Variants in GRIK2 observed in about 807,000 individuals in gnomAD.
The protein encoded by GRIK2 is glutamate receptor ionotropic, kainate 2.
A neutral mutation model predicts 100.3 loss-of-function variants in GRIK2; 32 were observed. That is an observed-to-expected ratio of 0.32 (90% CI 0.24 to 0.43). GRIK2 has a LOEUF of 0.43. GRIK2 is among the 20% of genes least tolerant of loss of function. The pLI is 1.00. For synonymous variants in GRIK2, 417 were observed against 389.4 expected (o/e 1.07, Z -0.83); for missense variants, 843 against 1,114.9 (o/e 0.76, Z 3.47).
chr6:101,741,940 T>A (rs1776053917), intron 7 of GRIK2, among the ~76,000 whole-genome samples: 1 of 152,168 alleles, frequency 6.6e-6, no homozygotes, highest in African/African-American at 2.4e-5. Flanking sequence ...GTGTCCAAAG[T>A]TAACAGCTAA....
intron 9 of GRIK2, 24 bp from the exon 10 acceptor site, chr6:101,818,346 C>A (rs773023664): frequency 3.0e-6 from 4 of 1,326,570 alleles, no homozygotes; most frequent in Non-Finnish European, 4.3e-6. Flanking sequence ...GGACAATTTA[C>A]AAAGTACATA....
chr6:101,773,052 A>G (rs1304956727), intron 7 of GRIK2, among the ~76,000 whole-genome samples: 2 of 152,196 alleles, frequency 1.3e-5, no homozygotes, highest in Non-Finnish European at 2.9e-5. Context: ...CACAATGAGA[A>G]AGTGTATGTT....
At chr6:101,848,424 G>GA (rs1006387181) in intron 10 of GRIK2, among the ~76,000 whole-genome samples, 6 of 151,926 alleles carry the variant, frequency 3.9e-5, no homozygotes, top group Non-Finnish European at 7.4e-5. Flanking sequence ...GTCTTTAAAG[G>GA]AAAAAATTTG....
intron 2 of GRIK2, among the ~76,000 whole-genome samples, chr6:101,463,887 T>C (rs1390224088): frequency 1.3e-5 from 2 of 152,150 alleles, no homozygotes; most frequent in African/African-American, 4.8e-5. Context: ...GTGTCAACTT[T>C]ATTGGATTAA....
At chr6:101,932,903 T>C (rs1180768877) in intron 14 of GRIK2, among the ~76,000 whole-genome samples, 1 of 151,916 alleles carries the variant, frequency 6.6e-6, no homozygotes, top group Admixed American at 6.6e-5. Context: ...CAGACTCAGT[T>C]CCTTCTACAC....
At chr6:101,547,062 A>C (rs894654587) in intron 2 of GRIK2, among the ~76,000 whole-genome samples, 1 of 150,320 alleles carries the variant, frequency 6.7e-6, no homozygotes. Context: ...CGATCTCTTG[A>C]CCTCGTGATC....
intron 9 of GRIK2, among the ~76,000 whole-genome samples, chr6:101,811,307 C>G (rs558382671): frequency 1.6e-4 from 24 of 152,140 alleles, no homozygotes; most frequent in African/African-American, 5.5e-4. Context: ...CTGACACATT[C>G]TCCTGACATT....
intron 14 of GRIK2, among the ~76,000 whole-genome samples, chr6:101,980,501 T>G (rs1793649520): frequency 6.6e-6 from 1 of 151,958 alleles, no homozygotes; most frequent in African/African-American, 2.4e-5. Context: ...TTACAACCTT[T>G]GCTCTTATCT....
chr6:101,928,192 C>T (rs1364892325), intron 13 of GRIK2: 1 of 544,652 alleles, frequency 1.8e-6, no homozygotes, highest in Non-Finnish European at 3.3e-6. Flanking sequence ...GAACATGAGT[C>T]TCCTGTCACT....
At chr6:101,763,691 G>A (rs1777869734) in intron 7 of GRIK2, among the ~76,000 whole-genome samples, 1 of 152,054 alleles carries the variant, frequency 6.6e-6, no homozygotes, top group Non-Finnish European at 1.5e-5. Context: ...ACATATTCCT[G>A]TTAATTCATC....
chr6:101,513,606 C>T (rs550219609), intron 2 of GRIK2, among the ~76,000 whole-genome samples: 1 of 152,074 alleles, frequency 6.6e-6, no homozygotes, highest in African/African-American at 2.4e-5. Flanking sequence ...TAATATTATG[C>T]CAGAGTCAGG....
At chr6:101,432,383 C>T (rs932049582) in intron 2 of GRIK2, among the ~76,000 whole-genome samples, 3 of 152,084 alleles carry the variant, frequency 2.0e-5, no homozygotes, top group Admixed American at 2.0e-4. Flanking sequence ...TTGGAGTATT[C>T]TTAAGTTATT....
intron 7 of GRIK2, among the ~76,000 whole-genome samples, chr6:101,713,671 A>T (rs1773868612): frequency 6.6e-6 from 1 of 151,776 alleles, no homozygotes; most frequent in Non-Finnish European, 1.5e-5. Context: ...TAGCTTCTGT[A>T]TTAATGTTTA....
chr6:101,897,746 A>G (rs1446930356), intron 12 of GRIK2, among the ~76,000 whole-genome samples: 2 of 151,818 alleles, frequency 1.3e-5, no homozygotes, highest in African/African-American at 4.8e-5. Flanking sequence ...TTTACTAGGT[A>G]TTTTTCTTTC....
At chr6:102,041,713 T>C (rs541629444) in intron 15 of GRIK2, among the ~76,000 whole-genome samples, 10 of 151,698 alleles carry the variant, frequency 6.6e-5, no homozygotes, top group African/African-American at 2.2e-4. Context: ...GAGCATATTA[T>C]ATTTTTAGTA....
intron 14 of GRIK2, among the ~76,000 whole-genome samples, chr6:102,006,705 G>T (rs1282631052): frequency 6.6e-6 from 1 of 151,176 alleles, no homozygotes; most frequent in African/African-American, 2.4e-5. Context: ...TCCTTATTAA[G>T]CCCCTTGACC....
chr6:101,852,309 A>G (rs1045220290), intron 10 of GRIK2, among the ~76,000 whole-genome samples: 8 of 152,110 alleles, frequency 5.3e-5, no homozygotes, highest in African/African-American at 1.4e-4. Context: ...CCAACCCTGT[A>G]TTCTCAGTCT....
intron 2 of GRIK2, among the ~76,000 whole-genome samples, chr6:101,527,444 A>G (rs1196946817): frequency 1.3e-5 from 2 of 152,204 alleles, no homozygotes; most frequent in Non-Finnish European, 2.9e-5. Context: ...ACAGTCTGAG[A>G]TACCTCTTAT....
chr6:101,608,285 T>C (rs958581560), intron 2 of GRIK2, among the ~76,000 whole-genome samples: 1 of 151,918 alleles, frequency 6.6e-6, no homozygotes, highest in Non-Finnish European at 1.5e-5. Flanking sequence ...TCAATAAATA[T>C]AAATTTAACC....
Sources: gnomAD v4.1 joint callset for allele counts (sites outside exome capture counted in the v4.1 genomes callset) on GRCh38, gnomAD v4.1.1 for gene constraint, MANE v1.5 for transcripts, NCBI Gene and HGNC (gene_info 2026-07-23, HGNC 2026-07-21) for gene names.